PDZD9: variants seen among roughly 807,000 people sequenced by gnomAD.
PDZD9 encodes the protein PDZ domain-containing protein 9.
A neutral mutation model predicts 16.3 loss-of-function variants in PDZD9; 13 were observed. The observed-to-expected ratio is 0.80, with a 90% CI of 0.52 to 1.27. The LOEUF (loss-of-function observed/expected upper bound fraction) is 1.27. Among genes scored for constraint, PDZD9 ranks in the 50% most tolerant of loss-of-function variants. PDZD9 has a pLI of 0.00. For missense variants in PDZD9, 288 were observed against 310.9 expected, an observed-to-expected ratio of 0.93 and a Z score of 0.55; for synonymous variants, 120 against 111.0, an observed-to-expected ratio of 1.08 and a Z score of -0.51.
chr16:21,961,334 G>A, the PDZD9 span: 4 of 447,654 alleles, frequency 8.9e-6, no homozygotes, highest in Non-Finnish European at 1.8e-5. Flanking sequence ...TTAGGGAAAT[G>A]GGTAAAGTAT....
At chr16:21,975,858 A>C in the PDZD9 span, among the ~76,000 whole-genome samples, 1 of 152,194 alleles carries the variant, frequency 6.6e-6, no homozygotes, top group Admixed American at 6.5e-5. Flanking sequence ...TGGGAGGTTA[A>C]GGTGGGAGGA....
chr16:21,964,888 C>G, the PDZD9 span, among the ~76,000 whole-genome samples: 24 of 152,296 alleles, frequency 1.6e-4, no homozygotes, highest in African/African-American at 5.3e-4. Flanking sequence ...GGAAATACTG[C>G]AGGCAAAAAG....
At chr16:21,961,640 ATATATATATATATATATATATATATAT>A in the PDZD9 span, among the ~76,000 whole-genome samples, 4 of 56,834 alleles carry the variant, frequency 7.0e-5, no homozygotes, top group African/African-American at 5.2e-4. Flanking sequence ...ATATATATAT[ATATATATATATATATATATATATATAT>A]ATTTTAGACA....
rs368939479 is a variant in PDZD9 at position 21,984,646 on chromosome 16, A to G, written c.416T>C (p.Ile139Thr). The G allele has an allele frequency of 2.4e-5, 36 of 1,508,986 alleles. No individual in the cohort carries two copies. Among genetic ancestry groups the G allele is most frequent in the South Asian group, 5.6e-5 (4 of 71,636 alleles). 93.5% of individuals were successfully genotyped at this position (1,508,986 alleles called of 1,614,324 possible). ...GAAAGATTCATCTTTTGCCAGCTCA[A>G]TTTTCTTTGGTGTGCTGAAATGAAA... ...KFPVTSTPKKIELAKDESFTS... is the reference protein window; with the variant it reads ...KFPVTSTPKKTELAKDESFTS... The change falls in exon 4 of 4, where the codon ATT (isoleucine) becomes ACT (threonine). Residue 139 changes from isoleucine to threonine, a missense_variant. Physicochemically the swap from Ile to Thr is moderately conservative, Grantham distance 89. Coordinates refer to ENST00000424898, the MANE Select transcript of PDZD9 (RefSeq NM_001363519.1).
At chr16:21,994,637 C>T (rs888239572) in intron 2 of PDZD9, among the ~76,000 whole-genome samples, 5 of 152,118 alleles carry the variant, frequency 3.3e-5, no homozygotes, top group Admixed American at 6.5e-5. Context: ...CAGAATCTAG[C>T]TCAGGGATTG....
the PDZD9 span, among the ~76,000 whole-genome samples, chr16:21,972,447 G>A: frequency 2.0e-5 from 3 of 152,082 alleles, no homozygotes; most frequent in African/African-American, 7.2e-5. Flanking sequence ...TTTTTTTCTA[G>A]ATTTTCTTCT....
intron 3 of PDZD9, among the ~76,000 whole-genome samples, chr16:21,987,171 A>G (rs1234646653): frequency 5.3e-5 from 8 of 152,180 alleles, no homozygotes; most frequent in Admixed American, 6.5e-5. Context: ...CTGTAATCCA[A>G]CACTTTGAGA....
chr16:21,978,557 C>A, the PDZD9 span, among the ~76,000 whole-genome samples: 15,299 of 152,186 alleles, frequency 0.1, 997 homozygotes, highest in South Asian at 0.27. Flanking sequence ...ACAGACAAAT[C>A]TCAGCAAGAG....
At chr16:21,971,513 C>A in the PDZD9 span, 12 of 1,591,388 alleles carry the variant, frequency 7.5e-6, no homozygotes, top group African/African-American at 1.4e-5. Flanking sequence ...GTTTTTGCTT[C>A]TGTTGAAACA....
chr16:21,980,399 T>G (rs1356282626), downstream of PDZD9: 3 of 803,668 alleles, frequency 3.7e-6, no homozygotes, highest in Admixed American at 8.4e-5. Context: ...GGGAGTGGCA[T>G]TCTTCTTGGG....
chr16:21,987,040 A>G (rs1278639977), intron 3 of PDZD9, among the ~76,000 whole-genome samples: 1 of 152,244 alleles, frequency 6.6e-6, no homozygotes, highest in African/African-American at 2.4e-5. Context: ...TCATTGGCCA[A>G]TGTGAGGATT....
chr16:21,980,574 G>A (rs143728487), downstream of PDZD9: 70 of 1,614,046 alleles, frequency 4.3e-5, no homozygotes, highest in Non-Finnish European at 5.7e-5. Flanking sequence ...GATACCTAAT[G>A]TCAGTGGAGT....
chr16:21,980,429 C>T (rs1314881781), downstream of PDZD9: 1 of 1,033,304 alleles, frequency 9.7e-7, no homozygotes, highest in Non-Finnish European at 1.4e-6. Flanking sequence ...AAGAGGGAGA[C>T]ACGCTGTTAC....
downstream of PDZD9, chr16:21,980,525 AC>A: frequency 6.2e-7 from 1 of 1,606,636 alleles, no homozygotes; most frequent in South Asian, 1.1e-5. Context: ...TCTAAAACTG[AC>A]TTCTGCCTTT....
downstream of PDZD9, chr16:21,983,160 G>GA: frequency 2.5e-6 from 4 of 1,614,004 alleles, no homozygotes; most frequent in Non-Finnish European, 3.4e-6. Context: ...ACCTTTTGTT[G>GA]ATGAGTTGTA....
chr16:21,999,936 C>T (rs536094241), intron 1 of PDZD9, among the ~76,000 whole-genome samples: 2 of 152,240 alleles, frequency 1.3e-5, no homozygotes, highest in African/African-American at 4.8e-5. Context: ...ACTCTGGAGG[C>T]TGAGGGGCAA....
chr16:21,974,172 G>A, the PDZD9 span, among the ~76,000 whole-genome samples: 1 of 152,196 alleles, frequency 6.6e-6, no homozygotes, highest in Non-Finnish European at 1.5e-5. Flanking sequence ...CCAGGAAAGA[G>A]GAGAGAATTG....
Position 21,988,722 on chromosome 16 carries a change from A to C in PDZD9, c.281T>G (p.Leu94Trp), listed in dbSNP as rs145255209. Residue 94 changes from leucine (L) to tryptophan (W), a missense_variant, in exon 3 of 4, where the codon TTG becomes TGG. Coordinates refer to ENST00000424898, the MANE Select transcript of PDZD9 (RefSeq NM_001363519.1). The part of the protein sequence containing the change: ...GYTLREFLQL[L>W]QHITIGTVLQ... ...CACTGTTCCAATAGTGATATGTTGC[A>C]AAAGCTGTAAAAATTCTCGAAGAGT... is the stretch of plus-strand genomic sequence containing the variant. The C allele has an allele frequency of 1.5e-4, 244 of 1,613,484 alleles. 3 individuals carry two copies. In the East Asian group the frequency reaches 2.1e-3, roughly 14 times the overall value.
At chr16:21,966,011 A>G in the PDZD9 span, among the ~76,000 whole-genome samples, 93 of 152,034 alleles carry the variant, frequency 6.1e-4, 1 homozygote, top group Non-Finnish European at 9.0e-4. Flanking sequence ...CAGTATTTAA[A>G]TGTTTAAGTA....
Sources: allele counts gnomAD v4.1 joint callset (sites outside exome capture counted in the v4.1 genomes callset), GRCh38; gene constraint gnomAD v4.1.1; transcripts MANE v1.5; gene names NCBI Gene and HGNC (gene_info 2026-07-23, HGNC 2026-07-21).